The following GNA12 variants were observed in gnomAD, a reference collection of about 807,000 sequenced individuals.
GNA12 encodes guanine nucleotide-binding protein subunit alpha-12.
GNA12 carries 9 observed loss-of-function variants against 26.0 expected under a neutral mutation model. The ratio of observed to expected loss-of-function variants is 0.35; its 90% CI spans 0.21 to 0.60. GNA12 has a LOEUF of 0.60. GNA12 is among the 20% of genes least tolerant of loss of function. GNA12 has a pLI of 0.78. For synonymous variants in GNA12, 264 were observed against 219.6 expected, an observed-to-expected ratio of 1.20 and a Z score of -1.79; for missense variants, 405 against 525.8, an observed-to-expected ratio of 0.77 and a Z score of 2.25.
chr7:2,738,028 G>C (rs558275498), intron 2 of GNA12, among the ~76,000 whole-genome samples: 1 of 152,306 alleles, frequency 6.6e-6, no homozygotes, highest in South Asian at 2.1e-4. Context: ...TTCTGGAAAA[G>C]AGATACAACA....
At chr7:2,747,068 A>G (rs1011405914) in intron 2 of GNA12, among the ~76,000 whole-genome samples, 1 of 152,174 alleles carries the variant, frequency 6.6e-6, no homozygotes, top group Non-Finnish European at 1.5e-5. Context: ...AGATGGATTC[A>G]ACAGCCGAAT....
intron 2 of GNA12, among the ~76,000 whole-genome samples, chr7:2,735,677 A>G (rs1790134310): frequency 6.6e-6 from 1 of 152,208 alleles, no homozygotes; most frequent in African/African-American, 2.4e-5. Flanking sequence ...TGGCTCATTT[A>G]ACTCATCACA....
chr7:2,736,464 G>A (rs972761881), intron 2 of GNA12, among the ~76,000 whole-genome samples: 5 of 152,206 alleles, frequency 3.3e-5, no homozygotes, highest in East Asian at 1.9e-4. Flanking sequence ...ACTGTCCCAC[G>A]AATGTGTCTG....
chr7:2,762,662 G>C, intron 2 of GNA12: 3 of 1,599,624 alleles, frequency 1.9e-6, no homozygotes, highest in Non-Finnish European at 2.6e-6. Flanking sequence ...GACGATGAGA[G>C]GATAAATCAT....
At chr7:2,773,724 T>C (rs1476796114) in intron 2 of GNA12, among the ~76,000 whole-genome samples, 1 of 152,166 alleles carries the variant, frequency 6.6e-6, no homozygotes, top group African/African-American at 2.4e-5. Context: ...CCATGAACAC[T>C]GAACCCAGGC....
chr7:2,768,666 T>TAAAAAA (rs924965749), intron 2 of GNA12, among the ~76,000 whole-genome samples: 2 of 91,786 alleles, frequency 2.2e-5, no homozygotes, highest in African/African-American at 7.1e-5. Flanking sequence ...GCTCTCAAGG[T>TAAAAAA]AAAAAAAAAA....
chr7:2,746,797 GAAGA>G (rs967906571), intron 2 of GNA12, among the ~76,000 whole-genome samples: 11 of 151,950 alleles, frequency 7.2e-5, no homozygotes, highest in African/African-American at 2.7e-4. Context: ...AGAAAAGAGA[GAAGA>G]ATCAAATAGA....
rs1308517496 is a variant in GNA12, at chr7:2,729,430, C to G, written c.*1751G>C. 1 of 152,442 alleles carries G rather than the reference C, an allele frequency of 6.6e-6. No individual in the cohort carries two copies. Among genetic ancestry groups the G allele is most frequent in the African/African-American group, 2.4e-5 (1 of 41,460 alleles). The allele number at this position is 152,442 out of a possible 1,614,324, so 9.4% of individuals were successfully genotyped here. A position where few individuals can be genotyped will look rare whatever the true frequency, so the allele number is the denominator to read the frequency against. ...CACAGAAGCAGTACAAAAACAGCGA[C>G]TTCTTTATCCAGCCAAAAAAGGAGC... On this transcript the variant is annotated 3_prime_UTR_variant, in exon 4 of 4. Coordinates refer to ENST00000275364, the MANE Select transcript of GNA12 (RefSeq NM_007353.3).
At chr7:2,762,758 C>T in intron 2 of GNA12, 1 of 1,550,010 alleles carries the variant, frequency 6.5e-7, no homozygotes, top group African/African-American at 1.4e-5. Flanking sequence ...GTGCACCAGG[C>T]CCGTCCTTTC....
At chr7:2,736,420 G>A (rs1407377827) in intron 2 of GNA12, among the ~76,000 whole-genome samples, 4 of 149,968 alleles carry the variant, frequency 2.7e-5, no homozygotes, top group African/African-American at 9.7e-5. Context: ...CGGCCACTGA[G>A]CACACACCTG....
At position 2,770,243 on chromosome 7, in the gene GNA12, A is replaced by C. The variant is rs1583266279; in HGVS notation, c.525+24685T>G. ...ACTTGCCCTGGAGAGTCCCAATTTGAGTCAATCATCTTGGCAAAATTGTTT... is the reference window on the plus strand; with the variant it reads ...ACTTGCCCTGGAGAGTCCCAATTTGCGTCAATCATCTTGGCAAAATTGTTT... On this transcript the variant is annotated intron_variant, in intron 2 of 3. Coordinates refer to ENST00000275364, the MANE Select transcript of GNA12 (RefSeq NM_007353.3). Among the ~76,000 whole-genome samples, 3 of 152,350 alleles carry C rather than the reference A, an allele frequency of 2.0e-5. No homozygotes were observed. In the Middle Eastern group the frequency reaches 0.01, roughly 518 times the overall value.
At chr7:2,788,769 C>T (rs925411468) in intron 2 of GNA12, among the ~76,000 whole-genome samples, 3 of 152,188 alleles carry the variant, frequency 2.0e-5, no homozygotes, top group Admixed American at 2.0e-4. Context: ...ACCACACTGC[C>T]TCTCTATGGA....
intron 1 of GNA12, among the ~76,000 whole-genome samples, chr7:2,819,196 C>T (rs536195038): frequency 8.1e-4 from 124 of 152,192 alleles, no homozygotes; most frequent in African/African-American, 2.8e-3. Flanking sequence ...CTCCAGGAGC[C>T]GAGGGAGGTC....
At chr7:2,766,513 G>A (rs1428693019) in intron 2 of GNA12, among the ~76,000 whole-genome samples, 1 of 151,716 alleles carries the variant, frequency 6.6e-6, no homozygotes, top group Non-Finnish European at 1.5e-5. Context: ...AGCCTCCTGA[G>A]TAGCTAGGAT....
rs1792489522 is a variant in GNA12, at chr7:2,790,477, G to A, written c.525+4451C>T. Among the ~76,000 whole-genome samples the A allele has an allele frequency of 2.0e-5, 3 of 152,132 alleles. No homozygotes were observed. The South Asian group carries it at 6.2e-4, about 32-fold the overall frequency. ...TGCTTGCATGTCTGTCTGTCCTACC[G>A]GCTATGTGAGGAAATGAGACCTGAC... On this transcript the variant is annotated intron_variant, in intron 2 of 3. Transcript: ENST00000275364.
Position 2,808,516 on chromosome 7 carries a change from G to T in GNA12, c.310-13373C>A, listed in dbSNP as rs3823602. On this transcript the variant is annotated intron_variant, in intron 1 of 3. Transcript: ENST00000275364. ...TGTGGGCCTGAATTTGGATGGGATGGAGAGGGACCTGGGCCGCACAGGAGG... is the reference window on the plus strand; with the variant it reads ...TGTGGGCCTGAATTTGGATGGGATGTAGAGGGACCTGGGCCGCACAGGAGG... Among the ~76,000 whole-genome samples the T allele has an allele frequency of 2.6e-5, 4 of 152,250 alleles. No individual in the cohort carries two copies. In the South Asian group the frequency reaches 8.3e-4, roughly 32 times the overall value.
chr7:2,749,925 C>T (rs993575137), intron 2 of GNA12, among the ~76,000 whole-genome samples: 1 of 152,012 alleles, frequency 6.6e-6, no homozygotes, highest in Non-Finnish European at 1.5e-5. Flanking sequence ...TCCTAAAGGC[C>T]TAATACACAA....
Position 2,826,629 on chromosome 7 carries a change from G to A in GNA12, c.309+17224C>T, listed in dbSNP as rs2114968569. Among the ~76,000 whole-genome samples the A allele has an allele frequency of 1.3e-5, 2 of 152,278 alleles. 1 individual carries two copies. Among genetic ancestry groups the A allele is most frequent in the Middle Eastern group, 6.8e-3 (2 of 294 alleles). The stretch of plus-strand genomic sequence containing the variant: ...ATAATGAAAAGAAATAAACTAACAT[G>A]CCACGGAAAGACACAGAAACCTTAA... On this transcript the variant is annotated intron_variant, in intron 1 of 3. Transcript: ENST00000275364.
chr7:2,814,888 G>C (rs772955533), intron 1 of GNA12: 73 of 1,602,240 alleles, frequency 4.6e-5, no homozygotes, highest in Non-Finnish European at 5.4e-5. Flanking sequence ...CGACTGCCAG[G>C]CATCCTTGCT....
Sources: gnomAD v4.1 joint callset for allele counts (sites outside exome capture counted in the v4.1 genomes callset) on GRCh38, gnomAD v4.1.1 for gene constraint, MANE v1.5 for transcripts, NCBI Gene and HGNC (gene_info 2026-07-23, HGNC 2026-07-21) for gene names.